Variants in COL7A1 observed in about 807,000 individuals in gnomAD.
COL7A1 encodes collagen alpha-1(VII) chain.
COL7A1 carries 296 observed loss-of-function variants against 456.2 expected under a neutral mutation model. That is an observed-to-expected ratio of 0.65 (90% CI 0.59 to 0.71). The LOEUF (loss-of-function observed/expected upper bound fraction) is 0.71. Ranked by LOEUF, COL7A1 falls within the 30% of genes least tolerant of loss-of-function variation. The pLI is 0.00. For missense variants in COL7A1, 3,441 were observed against 4,017.2 expected, an observed-to-expected ratio of 0.86 and a Z score of 3.88; for synonymous variants, 1,464 against 1,525.9, an observed-to-expected ratio of 0.96 and a Z score of 0.95.
chr3:48,567,466 TC>T lies in COL7A1; in HGVS notation c.8046+107del. 1 of 1,497,802 alleles carries T rather than the reference TC, an allele frequency of 6.7e-7. No individual in the cohort carries two copies. Among genetic ancestry groups the T allele is most frequent in the Non-Finnish European group, 9.3e-7 (1 of 1,078,688 alleles). 92.8% of individuals were successfully genotyped at this position (1,497,802 alleles called of 1,614,324 possible). On this transcript the variant is annotated intron_variant, in intron 109 of 118. Transcript: ENST00000681320. This position sits in a 1 kb window ranked among gnomAD's most constrained non-coding sequence, Gnocchi z 4.3. Reference sequence around the variant, plus strand: ...ACCAGCCCCACTTCAGCCCCCAAAGTCCCAACCCTCTACAGCCTTCCTTGTC... The same window carrying T: ...ACCAGCCCCACTTCAGCCCCCAAAGTCCAACCCTCTACAGCCTTCCTTGTC...
chr3:48,566,946 A>C lies in COL7A1; in HGVS notation c.8187T>G (p.Ser2729Arg), dbSNP rs528281412. 31 of 1,611,184 alleles carry C rather than the reference A, an allele frequency of 1.9e-5. No homozygotes were observed. Among genetic ancestry groups the C allele is most frequent in the Non-Finnish European group, 2.6e-5 (31 of 1,178,064 alleles). ...GTCCTTCGGGGCCTCTGGGACCAACACTGCCAGGTGGCCCTGGGGGACCAG... is the reference window on the plus strand; with the variant it reads ...GTCCTTCGGGGCCTCTGGGACCAACCCTGCCAGGTGGCCCTGGGGGACCAG... ...GSAGPPGPPG[S>R]VGPRGPEGLQ... The change falls in exon 111 of 119, where the codon AGT (serine) becomes AGG (arginine). Residue 2729 changes from serine (S) to arginine (R), a missense_variant. Transcript: ENST00000681320. The surrounding 1 kb of genome is among the most constrained non-coding windows in gnomAD (Gnocchi z 5.9).
chr3:48,575,498 G>A lies in COL7A1; in HGVS notation c.6021C>T (p.Asp2007=). The change falls in exon 74 of 119, where the codon GAC becomes GAT. Residue 2007 remains aspartate (D), a synonymous_variant. Transcript: ENST00000681320. The surrounding 1 kb of genome is among the most constrained non-coding windows in gnomAD (Gnocchi z 6.3). ...GCCCCTGAGGGCCAGGGTCTCCACG[G>A]TCGCCCTTCAGCCCGCGTTCTCCAG... ...GFPGERGLKG[D]RGDPGPQGPP... is the part of the protein sequence containing the mutation. 1.9e-6 allele frequency: 3 copies of A among 1,612,460 alleles called. No individual in the cohort carries two copies. The highest frequency in any genetic ancestry group is 2.5e-6 in the Non-Finnish European group (3 of 1,179,790).
Position 48,573,470 on chromosome 3 carries a change from G to A in COL7A1, c.6618+43C>T, listed in dbSNP as rs745976570. ...GCACACTACCCCAGGCATGGACACA[G>A]CTTGAAGGAGCCTCCTCCTCCTATC... On this transcript the variant is annotated intron_variant, in intron 83 of 118. Coordinates refer to ENST00000681320, the MANE Select transcript of COL7A1 (RefSeq NM_000094.4). The surrounding 1 kb of genome is among the most constrained non-coding windows in gnomAD (Gnocchi z 5.5). 1.2e-5 allele frequency: 20 copies of A among 1,613,910 alleles called. No individual in the cohort carries two copies. Among genetic ancestry groups the A allele is most frequent in the Non-Finnish European group, 1.5e-5 (18 of 1,179,872 alleles).
chr3:48,572,682 C>G lies in COL7A1; in HGVS notation c.6889G>C (p.Ala2297Pro). The part of the protein sequence containing the change: ...GPKGEPGPTG[A>P]PGQAVVGLPG... ...GGGTCAAAGATCACCTGTCCAGGGG[C>G]CCCCGTGGGGCCAGGTTCTCCTTTA... Residue 2297 changes from alanine to proline, a missense_variant, in exon 88 of 119, where the codon GCC becomes CCC. By Grantham distance (27) the Ala-to-Pro change is conservative. Around this residue, in one of 3 missense-constraint regions of COL7A1, gnomAD observed 2,084 missense variants for 2,501.3 expected, o/e 0.83. Transcript: ENST00000681320. The surrounding 1 kb of genome is among the most constrained non-coding windows in gnomAD (Gnocchi z 4.6). 6.2e-7 allele frequency: 1 copy of G among 1,604,920 alleles called. No individual in the cohort carries two copies. Among genetic ancestry groups the G allele is most frequent in the Non-Finnish European group, 8.5e-7 (1 of 1,175,822 alleles).
chr3:48,589,469 G>A lies in COL7A1; in HGVS notation c.2172C>T (p.Gly724=). The change falls in exon 18 of 119, where the codon GGC becomes GGT. Residue 724 remains glycine, a splice_region_variant and synonymous_variant. Coordinates refer to ENST00000681320, the MANE Select transcript of COL7A1 (RefSeq NM_000094.4). ...GYRVSWHSAH[G]PEKSQLVSGE... ...CAGAAACCAACTGGGATTTCTCTGG[G>A]CCTGGGAACAGGGATGGAGGCAGCT... 6.2e-7 allele frequency: 1 copy of A among 1,613,602 alleles called. No homozygotes were observed.
In COL7A1 at chr3:48,594,571, G is replaced by C; in HGVS notation, c.86-23C>G. ...TCACTGGGGCGGGCAGGAGAGATCA[G>C]GGCCTCTTCTGGGAGGCCAACCACC... is the stretch of plus-strand genomic sequence containing the variant. On this transcript the variant is annotated intron_variant, in intron 2 of 118. Coordinates refer to ENST00000681320, the MANE Select transcript of COL7A1 (RefSeq NM_000094.4). This position sits in a 1 kb window ranked among gnomAD's most constrained non-coding sequence, Gnocchi z 5.5. The C allele has an allele frequency of 6.4e-7, 1 of 1,559,636 alleles. No individual in the cohort carries two copies.
At chr3:48,589,813 G>T (rs747736151) in intron 16 of COL7A1, 95 bp from the exon 17 acceptor site, 1 of 1,574,070 alleles carries the variant, frequency 6.4e-7, no homozygotes, top group African/African-American at 1.3e-5. Flanking sequence ...ACAGGAGACG[G>T]GAATTTGATA....
Position 48,580,557 on chromosome 3 carries a change from G to A in COL7A1, c.5052+24C>T, listed in dbSNP as rs771749078. 4 of 1,610,958 alleles carry A rather than the reference G, an allele frequency of 2.5e-6. No individual in the cohort carries two copies. The Admixed American group carries it at 5.0e-5, about 20-fold the overall frequency. On this transcript the variant is annotated intron_variant, in intron 55 of 118. Coordinates refer to ENST00000681320, the MANE Select transcript of COL7A1 (RefSeq NM_000094.4). This position sits in a 1 kb window ranked among gnomAD's most constrained non-coding sequence, Gnocchi z 4.5. The stretch of plus-strand genomic sequence containing the variant: ...CTGGTTGGAGGGTTAAGGTTGGGGT[G>A]AGGAGTCATAGGCTGGGACTCACAT...
Position 48,592,056 on chromosome 3 carries a change from C to T in COL7A1, c.1241-42G>A, listed in dbSNP as rs200521199. 5.5e-5 allele frequency: 88 copies of T among 1,614,060 alleles called. No individual in the cohort carries two copies. The highest frequency in any genetic ancestry group is 6.9e-5 in the Non-Finnish European group (82 of 1,180,040). ...GGATGTCAGTGGCCTCCGGGCCTTG[C>T]CCTGCCTGCCCGTCCCAGCCTGAAG... On this transcript the variant is annotated intron_variant, in intron 10 of 118. Transcript: ENST00000681320. The surrounding 1 kb of genome is among the most constrained non-coding windows in gnomAD (Gnocchi z 7.6).
rs554551423 is a variant in COL7A1 at position 48,581,085 on chromosome 3, G to T, written c.4935+37C>A. 5 of 1,612,666 alleles carry T rather than the reference G, an allele frequency of 3.1e-6. No individual in the cohort carries two copies. The East Asian group carries it at 8.9e-5, about 29-fold the overall frequency. ...AGCCTACTGGGATCCTAGTTCAAGGGTAAAGGATCAGAAACCACAGTGGGA... is the reference window on the plus strand; with the variant it reads ...AGCCTACTGGGATCCTAGTTCAAGGTTAAAGGATCAGAAACCACAGTGGGA... On this transcript the variant is annotated intron_variant, in intron 53 of 118. Transcript: ENST00000681320. The surrounding 1 kb of genome is among the most constrained non-coding windows in gnomAD (Gnocchi z 5.8).
chr3:48,569,828 A>T lies in COL7A1; in HGVS notation c.7521+52T>A. On this transcript the variant is annotated intron_variant, in intron 100 of 118. Coordinates refer to ENST00000681320, the MANE Select transcript of COL7A1 (RefSeq NM_000094.4). The surrounding 1 kb of genome is among the most constrained non-coding windows in gnomAD (Gnocchi z 4.9). ...CCCCGCACCTGAATTCTAATATCAT[A>T]CAAGATCCACTCACCCCCCCACTCA... 3 of 1,614,082 alleles carry T rather than the reference A, an allele frequency of 1.9e-6. No individual in the cohort carries two copies. The highest frequency in any genetic ancestry group is 2.5e-6 in the Non-Finnish European group (3 of 1,179,984).
chr3:48,577,428 C>T (rs191995514), intron 65 of COL7A1, among the ~76,000 whole-genome samples: 74 of 152,328 alleles, frequency 4.9e-4, no homozygotes, highest in Non-Finnish European at 9.4e-4. Context: ...TGGGCTTATA[C>T]ATGTCTCCAA....
rs1436983552 is a variant in COL7A1, at chr3:48,574,463, G to C, written c.6456+25C>G. On this transcript the variant is annotated intron_variant, in intron 79 of 118. Transcript: ENST00000681320. The surrounding 1 kb of genome is among the most constrained non-coding windows in gnomAD (Gnocchi z 5.0). ...ATGTGAGAGCCACCTTCTTGCACAT[G>C]TGTGGCTGTTGGGCAAGGACTTACC... The C allele has an allele frequency of 3.7e-6, 6 of 1,614,078 alleles. No individual in the cohort carries two copies. The highest frequency in any genetic ancestry group is 5.1e-6 in the Non-Finnish European group (6 of 1,180,000).
In COL7A1 at chr3:48,572,052, A is replaced by G; in HGVS notation, c.7024-7T>C. ...CTGCACGGCCAGCTTCACCCTGCAC[A>G]GAATGGCAGGTGAGGGGTGTCTGGA... On this transcript the variant is annotated splice_region_variant and splice_polypyrimidine_tract_variant and intron_variant, in intron 91 of 118. Transcript: ENST00000681320. This position sits in a 1 kb window ranked among gnomAD's most constrained non-coding sequence, Gnocchi z 4.6. 6.2e-7 allele frequency: 1 copy of G among 1,613,212 alleles called. No individual in the cohort carries two copies. The highest frequency in any genetic ancestry group is 8.5e-7 in the Non-Finnish European group (1 of 1,179,636).
Position 48,588,740 on chromosome 3 carries a change from T to G in COL7A1, c.2489A>C (p.Glu830Ala), listed in dbSNP as rs771041852. Residue 830 changes from glutamate to alanine, a missense_variant, in exon 20 of 119, where the codon GAG becomes GCG. By Grantham distance (107) the Glu-to-Ala change is moderately radical. Coordinates refer to ENST00000681320, the MANE Select transcript of COL7A1 (RefSeq NM_000094.4). The surrounding 1 kb of genome is among the most constrained non-coding windows in gnomAD (Gnocchi z 4.6). ...GACTCCACCTTCGAGACCCCGGATC[T>G]CTGCAGAGTCTGTGTTTCCTGGGAG... ...QILPGNTDSA[E>A]IRGLEGGVSY... The G allele has an allele frequency of 9.9e-6, 16 of 1,613,790 alleles. No individual in the cohort carries two copies. The highest frequency in any genetic ancestry group is 1.4e-5 in the Non-Finnish European group (16 of 1,180,056).
In COL7A1 at chr3:48,568,760, G is replaced by C; in HGVS notation, c.7758+24C>G. The C allele has an allele frequency of 1.3e-6, 2 of 1,557,118 alleles. No individual in the cohort carries two copies. Among genetic ancestry groups the C allele is most frequent in the African/African-American group, 1.4e-5 (1 of 73,658 alleles). ...ATGCTGGCTCTGGACCTGGGCCTGG[G>C]CCTGGGCCTGGGGCAGAACTTGCCT... On this transcript the variant is annotated intron_variant, in intron 104 of 118. Coordinates refer to ENST00000681320, the MANE Select transcript of COL7A1 (RefSeq NM_000094.4). The surrounding 1 kb of genome is among the most constrained non-coding windows in gnomAD (Gnocchi z 5.2).
In COL7A1 at chr3:48,578,879, G is replaced by A. The variant is rs1560226195; in HGVS notation, c.5424+40C>T. On this transcript the variant is annotated intron_variant, in intron 63 of 118. Coordinates refer to ENST00000681320, the MANE Select transcript of COL7A1 (RefSeq NM_000094.4). This position sits in a 1 kb window ranked among gnomAD's most constrained non-coding sequence, Gnocchi z 4.7. ...TGATGATCTGGTTGGAGCTTACGCA[G>A]CCCCGAGCCCCCTCTGTCCCAGCAT... The A allele has an allele frequency of 1.3e-6, 2 of 1,598,062 alleles. No homozygotes were observed. The highest frequency in any genetic ancestry group is 1.7e-6 in the Non-Finnish European group (2 of 1,171,104).
Position 48,567,972 on chromosome 3 carries a change from A to G in COL7A1, c.7876-81T>C. 1.2e-6 allele frequency: 2 copies of G among 1,602,588 alleles called. No individual in the cohort carries two copies. The highest frequency in any genetic ancestry group is 8.5e-7 in the Non-Finnish European group (1 of 1,170,088). On this transcript the variant is annotated intron_variant, in intron 106 of 118. Coordinates refer to ENST00000681320, the MANE Select transcript of COL7A1 (RefSeq NM_000094.4). This position sits in a 1 kb window ranked among gnomAD's most constrained non-coding sequence, Gnocchi z 4.3. The stretch of plus-strand genomic sequence containing the variant: ...CCTTCACCCTGAAACTAACTCTCCA[A>G]ACAGGCCTCAGCTACTCCAACCTCT...
rs756379992 is a variant in COL7A1, at chr3:48,588,430, G to A, written c.2588-26C>T. 2 of 1,604,360 alleles carry A rather than the reference G, an allele frequency of 1.2e-6. No homozygotes were observed. The highest frequency in any genetic ancestry group is 1.7e-6 in the Non-Finnish European group (2 of 1,179,288). The stretch of plus-strand genomic sequence containing the variant: ...CTGGAGAGAAAGCTCAGGAATCAGG[G>A]AGGCTCTGCCCCCATGGCCCCTGCA... On this transcript the variant is annotated intron_variant, in intron 20 of 118. Transcript: ENST00000681320. The surrounding 1 kb of genome is among the most constrained non-coding windows in gnomAD (Gnocchi z 4.6).
Sources: allele counts gnomAD v4.1 joint callset (sites outside exome capture counted in the v4.1 genomes callset), GRCh38; gene constraint gnomAD v4.1.1; regional missense constraint gnomAD v4.1.1; non-coding constraint Gnocchi (gnomAD v3.1); transcripts MANE v1.5; gene names NCBI Gene and HGNC (gene_info 2026-07-23, HGNC 2026-07-21).